JMJD1C: variants seen among roughly 807,000 people sequenced by gnomAD.
JMJD1C encodes jumonji domain-containing protein 1C.
A neutral mutation model predicts 245.3 loss-of-function variants in JMJD1C; 31 were observed. The ratio of observed to expected loss-of-function variants is 0.13; its 90% CI spans 0.09 to 0.17. The LOEUF is 0.17. JMJD1C is among the 10% of genes least tolerant of loss of function. The pLI, the probability that JMJD1C is intolerant of heterozygous loss-of-function variation, is 1.00. For missense variants in JMJD1C, 2,691 were observed against 3,000.2 expected (o/e 0.90, Z 2.41); for synonymous variants, 1,057 against 1,017.4 (o/e 1.04, Z -0.74).
intron 1 of JMJD1C, among the ~76,000 whole-genome samples, chr10:63,463,052 C>G (rs1312707633): frequency 6.6e-6 from 1 of 152,026 alleles, no homozygotes; most frequent in Non-Finnish European, 1.5e-5. Flanking sequence ...CCTGGTGTAT[C>G]CAGCCAGGAC....
chr10:63,197,021 T>G (rs1410786120), intron 13 of JMJD1C, among the ~76,000 whole-genome samples: 1 of 151,994 alleles, frequency 6.6e-6, no homozygotes, highest in Non-Finnish European at 1.5e-5. Flanking sequence ...CAGGCTGGTC[T>G]TGAACACCTG....
rs536060616 is a variant in JMJD1C at position 63,362,840 on chromosome 10, T to A, written c.333+17478A>T. 3.7e-4 allele frequency among the ~76,000 whole-genome samples: 57 copies of A among 152,206 alleles called. 1 individual carries two copies. The highest frequency in any genetic ancestry group is 1.3e-3 in the African/African-American group (54 of 41,530). The stretch of plus-strand genomic sequence containing the variant: ...TGATCAGTGCTTAGAAGACTGAGGA[T>A]CCCTGACTAAGCATTCATAATTAAG... On this transcript the variant is annotated intron_variant, in intron 2 of 25. Transcript: ENST00000399262.
chr10:63,186,377 C>G lies in JMJD1C; in HGVS notation c.6577G>C (p.Val2193Leu), dbSNP rs1844122141. The change falls in exon 19 of 26, where the codon GTG (valine) becomes CTG (leucine). Residue 2193 changes from valine to leucine, a missense_variant. Around this residue, in one of 9 missense-constraint regions of JMJD1C, gnomAD observed 232 missense variants for 416.1 expected, o/e 0.56. Transcript: ENST00000399262. ...KECWKQGQPA[V>L]VSGVHKKMNI... The stretch of plus-strand genomic sequence containing the variant: ...ATTTTCTTATGCACACCAGAAACCA[C>G]TGCAGGCTTATAAATAGATAAATAA... 1 of 1,601,704 alleles carries G rather than the reference C, an allele frequency of 6.2e-7. No homozygotes were observed. Among genetic ancestry groups the G allele is most frequent in the Non-Finnish European group, 8.5e-7 (1 of 1,174,966 alleles).
intron 3 of JMJD1C, among the ~76,000 whole-genome samples, chr10:63,263,845 T>C (rs966272964): frequency 2.0e-5 from 3 of 151,270 alleles, no homozygotes; most frequent in African/African-American, 7.3e-5. Flanking sequence ...GGCAGGAGCA[T>C]TGCTTGAACC....
upstream of JMJD1C, among the ~76,000 whole-genome samples, chr10:63,467,099 G>A (rs1015112845): frequency 6.6e-6 from 1 of 152,026 alleles, no homozygotes; most frequent in Admixed American, 6.5e-5. Flanking sequence ...GAACACTCAA[G>A]CTGGGCAATT....
intron 10 of JMJD1C, among the ~76,000 whole-genome samples, chr10:63,205,489 G>A (rs1846495063): frequency 6.6e-6 from 1 of 152,206 alleles, no homozygotes; most frequent in African/African-American, 2.4e-5. Context: ...TTTGCCATGT[G>A]CAGAGTACTA....
intron 3 of JMJD1C, among the ~76,000 whole-genome samples, chr10:63,226,814 T>G (rs1482893490): frequency 6.6e-6 from 1 of 151,454 alleles, no homozygotes; most frequent in African/African-American, 2.4e-5. Context: ...TCCCAGCACT[T>G]TGGGAAGCCG....
intron 1 of JMJD1C, among the ~76,000 whole-genome samples, chr10:63,395,832 A>C (rs1948448511): frequency 6.6e-6 from 1 of 152,194 alleles, no homozygotes; most frequent in East Asian, 1.9e-4. Flanking sequence ...AATTAAAAGA[A>C]GCCTGACTCA....
chr10:63,385,413 C>T (rs1035550918), intron 1 of JMJD1C, among the ~76,000 whole-genome samples: 1 of 135,570 alleles, frequency 7.4e-6, no homozygotes, highest in Non-Finnish European at 1.6e-5. Context: ...TCCCTGCCCC[C>T]GCCTTTTTTT....
At chr10:63,183,332 T>G in intron 22 of JMJD1C, 115 bp downstream of exon 22, 1 of 889,656 alleles carries the variant, frequency 1.1e-6, no homozygotes. Flanking sequence ...CCTACATCCA[T>G]TGCAATTCTT....
At chr10:63,236,236 C>T (rs1225320819) in intron 3 of JMJD1C, among the ~76,000 whole-genome samples, 1 of 152,158 alleles carries the variant, frequency 6.6e-6, no homozygotes, top group Non-Finnish European at 1.5e-5. Context: ...TGAAACCTAT[C>T]TTTCATAACA....
At chr10:63,516,616 T>C (rs1262705699) in intron 1 of JMJD1C, among the ~76,000 whole-genome samples, 2 of 152,178 alleles carry the variant, frequency 1.3e-5, no homozygotes, top group Admixed American at 1.3e-4. Flanking sequence ...TATTTTACCA[T>C]GAAGGAAAAA....
intron 1 of JMJD1C, among the ~76,000 whole-genome samples, chr10:63,501,800 A>C (rs963179707): frequency 2.0e-5 from 3 of 152,140 alleles, no homozygotes; most frequent in Non-Finnish European, 4.4e-5. Context: ...AAACAAAACA[A>C]AAAAAGAATA....
At chr10:63,346,920 G>GA (rs1458004486) in intron 2 of JMJD1C, among the ~76,000 whole-genome samples, 1 of 152,094 alleles carries the variant, frequency 6.6e-6, no homozygotes, top group Non-Finnish European at 1.5e-5. Flanking sequence ...GGGAAAAAGT[G>GA]AAAGTCCTAA....
intron 2 of JMJD1C, among the ~76,000 whole-genome samples, chr10:63,349,527 A>G (rs1944161004): frequency 6.6e-6 from 1 of 152,242 alleles, no homozygotes. Context: ...TAGGATAGCC[A>G]GGCATGTATT....
intron 1 of JMJD1C, among the ~76,000 whole-genome samples, chr10:63,387,161 A>T (rs979618079): frequency 6.6e-6 from 1 of 152,232 alleles, no homozygotes; most frequent in African/African-American, 2.4e-5. Flanking sequence ...ATACATCTCT[A>T]GGAAAAATTC....
intron 2 of JMJD1C, among the ~76,000 whole-genome samples, chr10:63,295,861 T>C (rs537704334): frequency 3.4e-4 from 52 of 151,210 alleles, no homozygotes; most frequent in Non-Finnish European, 5.6e-4. Context: ...TTCATGTGTG[T>C]TTCTGCTTAA....
At chr10:63,503,551 C>G (rs1410684540) in intron 1 of JMJD1C, among the ~76,000 whole-genome samples, 3 of 152,106 alleles carry the variant, frequency 2.0e-5, no homozygotes, top group African/African-American at 7.2e-5. Context: ...TGTGCCTGCC[C>G]CACCCTTACT....
chr10:63,519,604 A>T (rs867586298), intron 1 of JMJD1C, among the ~76,000 whole-genome samples: 3 of 152,242 alleles, frequency 2.0e-5, no homozygotes, highest in African/African-American at 7.2e-5. Flanking sequence ...TCAAGTAATA[A>T]ATTATGAGAG....
Sources: allele counts gnomAD v4.1 joint callset (sites outside exome capture counted in the v4.1 genomes callset), GRCh38; gene constraint gnomAD v4.1.1; regional missense constraint gnomAD v4.1.1; transcripts MANE v1.5; gene names NCBI Gene and HGNC (gene_info 2026-07-23, HGNC 2026-07-21).